Variants in CHL1 observed in about 807,000 individuals in gnomAD.
CHL1 encodes cell adhesion molecule L1 like.
A neutral mutation model predicts 141.9 loss-of-function variants in CHL1; 96 were observed. That is an observed-to-expected ratio of 0.68 (90% CI 0.57 to 0.80). The LOEUF (loss-of-function observed/expected upper bound fraction) is 0.80. Among genes scored for constraint, CHL1 ranks in the 30% least tolerant of loss-of-function variants. The probability of loss-of-function intolerance (pLI) is 0.00; values close to 1 mark genes in which losing one functional copy is unlikely to be tolerated. For missense variants in CHL1, 1,820 were observed against 1,457.2 expected (o/e 1.25, Z -4.05); for synonymous variants, 613 against 502.2 (o/e 1.22, Z -2.95).
intron 2 of CHL1, among the ~76,000 whole-genome samples, chr3:309,568 G>A (rs1699578939): frequency 6.6e-6 from 1 of 150,442 alleles, no homozygotes; most frequent in Non-Finnish European, 1.5e-5. Context: ...CTGTTGCCCA[G>A]GCAGAATCAT....
intron 2 of CHL1, among the ~76,000 whole-genome samples, chr3:274,850 T>A (rs1278903408): frequency 6.6e-6 from 1 of 152,258 alleles, no homozygotes; most frequent in Non-Finnish European, 1.5e-5. Flanking sequence ...ATATTATTGA[T>A]GTCTTATTGA....
Position 401,618 on chromosome 3 carries a change from T to C in CHL1, c.3386-8T>C. The C allele has an allele frequency of 6.4e-7, 1 of 1,558,156 alleles. No homozygotes were observed. Among genetic ancestry groups the C allele is most frequent in the Non-Finnish European group, 8.8e-7 (1 of 1,139,274 alleles). On this transcript the variant is annotated splice_polypyrimidine_tract_variant and splice_region_variant and intron_variant, in intron 26 of 27. Coordinates refer to ENST00000256509, the MANE Select transcript of CHL1 (RefSeq NM_006614.4). ...TATTACTTTTCCCACTTTTTTTCTCTTTTTTAGTTAAAGAAAAGGAAGATT... is the reference window on the plus strand; with the variant it reads ...TATTACTTTTCCCACTTTTTTTCTCCTTTTTAGTTAAAGAAAAGGAAGATT...
intron 5 of CHL1, among the ~76,000 whole-genome samples, chr3:335,731 C>A (rs1363378861): frequency 1.3e-5 from 2 of 152,150 alleles, no homozygotes; most frequent in African/African-American, 4.8e-5. Flanking sequence ...AACAAATGAA[C>A]AGGATTTTCT....
chr3:314,347 ATATATATATATATATATATAT>A (rs1229647497), intron 2 of CHL1, among the ~76,000 whole-genome samples: 2 of 90,612 alleles, frequency 2.2e-5, no homozygotes, highest in African/African-American at 9.3e-5. Flanking sequence ...ATATATATAT[ATATATATATATATATATATAT>A]ATCTGCTTCA....
intron 1 of CHL1, among the ~76,000 whole-genome samples, chr3:222,172 A>G (rs1357112998): frequency 1.3e-5 from 2 of 152,208 alleles, no homozygotes; most frequent in African/African-American, 4.8e-5. Flanking sequence ...TTAAACCAAC[A>G]TACCTTTTTC....
intron 13 of CHL1, among the ~76,000 whole-genome samples, chr3:362,844 C>A (rs1704415627): frequency 6.6e-6 from 1 of 152,170 alleles, no homozygotes; most frequent in South Asian, 2.1e-4. Context: ...TTGAAAGGTT[C>A]ATTATCTCTT....
chr3:401,060 C>A (rs1368087772), intron 26 of CHL1, among the ~76,000 whole-genome samples: 2 of 151,882 alleles, frequency 1.3e-5, no homozygotes, highest in Non-Finnish European at 2.9e-5. Flanking sequence ...TGCTACCATG[C>A]CTGGCTAATT....
At chr3:390,855 G>T in intron 21 of CHL1, 39 bp downstream of exon 21, 2 of 1,500,110 alleles carry the variant, frequency 1.3e-6, no homozygotes, top group South Asian at 2.3e-5. Context: ...TTGTTGAATT[G>T]GTATCTTTCC....
intron 1 of CHL1, among the ~76,000 whole-genome samples, chr3:237,094 T>A (rs1402691550): frequency 6.6e-6 from 1 of 152,230 alleles, no homozygotes; most frequent in Non-Finnish European, 1.5e-5. Context: ...TAATATGGTT[T>A]GGCTCTGTGT....
At chr3:355,865 T>C (rs1298200769) in intron 11 of CHL1, among the ~76,000 whole-genome samples, 1 of 152,210 alleles carries the variant, frequency 6.6e-6, no homozygotes, top group Non-Finnish European at 1.5e-5. Flanking sequence ...TGGGTTTGCA[T>C]ACTGACTCTA....
At chr3:263,628 C>G (rs895947291) in intron 2 of CHL1, among the ~76,000 whole-genome samples, 1 of 152,136 alleles carries the variant, frequency 6.6e-6, no homozygotes, top group Non-Finnish European at 1.5e-5. Context: ...CTGCATCTAG[C>G]TTTGATTTAT....
At chr3:340,448 A>G (rs1040321227) in intron 5 of CHL1, among the ~76,000 whole-genome samples, 1 of 152,208 alleles carries the variant, frequency 6.6e-6, no homozygotes, top group African/African-American at 2.4e-5. Context: ...TTTGGAGAAA[A>G]AGATTTCACA....
chr3:199,271 G>T (rs935891286), intron 1 of CHL1, among the ~76,000 whole-genome samples: 2 of 152,222 alleles, frequency 1.3e-5, no homozygotes, highest in African/African-American at 4.8e-5. Context: ...TACTGGATGG[G>T]TGTGAGTACT....
intron 1 of CHL1, among the ~76,000 whole-genome samples, chr3:243,089 G>A (rs1200103537): frequency 6.6e-6 from 1 of 152,182 alleles, no homozygotes; most frequent in African/African-American, 2.4e-5. Context: ...GATCCTGAAT[G>A]CATGACATTC....
intron 2 of CHL1, among the ~76,000 whole-genome samples, chr3:283,425 A>G (rs1696836877): frequency 6.6e-6 from 1 of 152,154 alleles, no homozygotes; most frequent in East Asian, 1.9e-4. Flanking sequence ...TGTTGTGACT[A>G]TCTTTCTATT....
chr3:353,789 T>G (rs1411454486), intron 10 of CHL1, among the ~76,000 whole-genome samples: 1 of 152,202 alleles, frequency 6.6e-6, no homozygotes, highest in Non-Finnish European at 1.5e-5. Context: ...CAAACTACAC[T>G]TGATGGGAGT....
intron 2 of CHL1, among the ~76,000 whole-genome samples, chr3:280,020 A>G (rs1696497234): frequency 6.6e-6 from 1 of 152,148 alleles, no homozygotes; most frequent in South Asian, 2.1e-4. Flanking sequence ...GATTATGGTT[A>G]TGTTGTCCTA....
At chr3:231,750 T>C (rs1453826300) in intron 1 of CHL1, among the ~76,000 whole-genome samples, 1 of 152,132 alleles carries the variant, frequency 6.6e-6, no homozygotes, top group Non-Finnish European at 1.5e-5. Context: ...CTAATTTTTG[T>C]ATTTTTAGTA....
At chr3:314,369 A>ATATATATATC (rs1700009289) in intron 2 of CHL1, among the ~76,000 whole-genome samples, 1 of 123,050 alleles carries the variant, frequency 8.1e-6, no homozygotes, top group Non-Finnish European at 1.6e-5. Flanking sequence ...ATATATATAT[A>ATATATATATC]TCTGCTTCAG....
Sources: gnomAD v4.1 joint callset for allele counts (sites outside exome capture counted in the v4.1 genomes callset) on GRCh38, gnomAD v4.1.1 for gene constraint, MANE v1.5 for transcripts, NCBI Gene and HGNC (gene_info 2026-07-23, HGNC 2026-07-21) for gene names.